SIPA1L2: variants seen among roughly 807,000 people sequenced by gnomAD.
The protein encoded by SIPA1L2 is signal induced proliferation associated 1 like 2, also known as signal-induced proliferation-associated 1-like protein 2.
A neutral mutation model predicts 163.9 loss-of-function variants in SIPA1L2; 56 were observed. The observed-to-expected ratio is 0.34, with a 90% CI of 0.28 to 0.43. The LOEUF (loss-of-function observed/expected upper bound fraction) is 0.43. SIPA1L2 is among the 20% of genes least tolerant of loss of function. The pLI is 1.00. For missense variants in SIPA1L2, 1,974 were observed against 2,193.5 expected (o/e 0.90, Z 2.00); for synonymous variants, 877 against 865.7 (o/e 1.01, Z -0.23).
chr1:232,584,462 C>A (rs1660548586), intron 1 of SIPA1L2, among the ~76,000 whole-genome samples: 1 of 152,206 alleles, frequency 6.6e-6, no homozygotes, highest in Non-Finnish European at 1.5e-5. Context: ...ACCGTGTGAT[C>A]TGCCCATCTT....
At chr1:232,523,094 T>G (rs1667532161) in intron 2 of SIPA1L2, among the ~76,000 whole-genome samples, 1 of 152,230 alleles carries the variant, frequency 6.6e-6, no homozygotes, top group Non-Finnish European at 1.5e-5. Flanking sequence ...TTGAGAGACT[T>G]TATACTGTAT....
chr1:232,547,566 G>T (rs933902072), intron 2 of SIPA1L2, among the ~76,000 whole-genome samples: 6 of 149,918 alleles, frequency 4.0e-5, no homozygotes, highest in Admixed American at 4.0e-4. Flanking sequence ...ACTGTGGCCC[G>T]GGGTGGGGGC....
intron 1 of SIPA1L2, among the ~76,000 whole-genome samples, chr1:232,621,942 C>A (rs921658735): frequency 1.1e-4 from 17 of 152,110 alleles, no homozygotes; most frequent in Non-Finnish European, 1.0e-4. Context: ...GCAGTCCAGG[C>A]TAGTCTCAAA....
chr1:232,528,888 T>C (rs1041097478), intron 2 of SIPA1L2, among the ~76,000 whole-genome samples: 1 of 152,204 alleles, frequency 6.6e-6, no homozygotes, highest in African/African-American at 2.4e-5. Flanking sequence ...ACATTTTTTC[T>C]TCCCTTGTAC....
intron 2 of SIPA1L2, among the ~76,000 whole-genome samples, chr1:232,563,487 C>T (rs1219593162): frequency 6.6e-6 from 1 of 152,134 alleles, no homozygotes; most frequent in African/African-American, 2.4e-5. Flanking sequence ...AACTTATACC[C>T]TCCCACTGAA....
chr1:232,577,896 G>A (rs1248980719), intron 1 of SIPA1L2, among the ~76,000 whole-genome samples: 1 of 152,184 alleles, frequency 6.6e-6, no homozygotes, highest in African/African-American at 2.4e-5. Context: ...AAACTTGGCA[G>A]GGTTTGAGAG....
At chr1:232,592,809 G>GA (rs541158763) in intron 1 of SIPA1L2, among the ~76,000 whole-genome samples, 89,831 of 145,730 alleles carry the variant, frequency 0.62, 27,902 homozygotes, top group East Asian at 0.91. Flanking sequence ...ATGTTCACAG[G>GA]AAAAAAAAAA....
chr1:232,560,934 G>A (rs1422967411), intron 2 of SIPA1L2, among the ~76,000 whole-genome samples: 3 of 152,308 alleles, frequency 2.0e-5, no homozygotes, highest in Non-Finnish European at 4.4e-5. Context: ...TCCTGAGCTA[G>A]AACTTTAGTA....
intron 2 of SIPA1L2, among the ~76,000 whole-genome samples, chr1:232,518,982 GTTTCATTTGA>G (rs1667334413): frequency 6.0e-5 from 1 of 16,594 alleles, no homozygotes; most frequent in African/African-American, 1.4e-4. Context: ...AACCACAAAA[GTTTCATTTGA>G]TATAACTTTG....
At chr1:232,604,689 G>A (rs1434905744) in intron 1 of SIPA1L2, among the ~76,000 whole-genome samples, 2 of 152,154 alleles carry the variant, frequency 1.3e-5, no homozygotes, top group Non-Finnish European at 2.9e-5. Context: ...TGGAGGTGAG[G>A]CCTGGTGGGA....
At chr1:232,507,879 A>C (rs772588522) in intron 3 of SIPA1L2, among the ~76,000 whole-genome samples, 1 of 152,242 alleles carries the variant, frequency 6.6e-6, no homozygotes, top group Non-Finnish European at 1.5e-5. Flanking sequence ...TTCCACAGTA[A>C]TAGCAGGAGT....
chr1:232,561,380 C>T (rs1218573817), intron 2 of SIPA1L2: 1 of 152,194 alleles, frequency 6.6e-6, no homozygotes, highest in African/African-American at 2.4e-5. Context: ...CATTCTCATG[C>T]CAGATTCTGA....
intron 10 of SIPA1L2, among the ~76,000 whole-genome samples, chr1:232,449,841 G>A (rs1378186359): frequency 2.0e-5 from 3 of 152,196 alleles, no homozygotes; most frequent in Non-Finnish European, 4.4e-5. Flanking sequence ...GCGTGGAATA[G>A]TTCCATTCTT....
intron 19 of SIPA1L2, among the ~76,000 whole-genome samples, chr1:232,411,957 GC>G: frequency 6.6e-6 from 1 of 152,160 alleles, no homozygotes. Flanking sequence ...CTGGAAACAC[GC>G]CTCCTTTTTG....
Position 232,402,392 on chromosome 1 carries a change from C to T in SIPA1L2, c.5022G>A (p.Lys1674=), listed in dbSNP as rs373567336. 1.2e-6 allele frequency: 2 copies of T among 1,612,788 alleles called. No homozygotes were observed. Among genetic ancestry groups the T allele is most frequent in the Non-Finnish European group, 1.7e-6 (2 of 1,179,110 alleles). ...ILRQLQTDLR[K]EKQDKAVLQA... ...TGATTATGCTCTTCCAATTGATTAC[C>T]TTCCGAAGGTCGGTCTGGAGTTGTC... The change falls in exon 22 of 23, where the codon AAG becomes AAA. Residue 1674 remains lysine, a splice_region_variant and synonymous_variant. Coordinates refer to ENST00000674635, the MANE Select transcript of SIPA1L2 (RefSeq NM_020808.5).
intron 2 of SIPA1L2, among the ~76,000 whole-genome samples, chr1:232,553,528 C>G (rs529217610): frequency 6.4e-4 from 97 of 152,292 alleles, no homozygotes; most frequent in African/African-American, 1.6e-3. Flanking sequence ...TGTTTCCTGT[C>G]TCTTGTCCAT....
At chr1:232,436,823 T>A (rs1432832150) in intron 15 of SIPA1L2, among the ~76,000 whole-genome samples, 1 of 152,182 alleles carries the variant, frequency 6.6e-6, no homozygotes, top group African/African-American at 2.4e-5. Flanking sequence ...GTTAAAAAGA[T>A]TTCATTCAAT....
intron 10 of SIPA1L2, among the ~76,000 whole-genome samples, chr1:232,453,834 T>C (rs993203601): frequency 2.0e-5 from 3 of 152,068 alleles, no homozygotes; most frequent in African/African-American, 7.2e-5. Context: ...AAAAGAATCT[T>C]TGGAAACAAA....
chr1:232,561,778 G>A (rs12402895), intron 2 of SIPA1L2, among the ~76,000 whole-genome samples: 11,938 of 152,208 alleles, frequency 0.078, 1,234 homozygotes, highest in East Asian at 0.54. Flanking sequence ...AGAAAATTCC[G>A]CTTTCCAGCC....
Sources: allele counts gnomAD v4.1 joint callset (sites outside exome capture counted in the v4.1 genomes callset), GRCh38; gene constraint gnomAD v4.1.1; transcripts MANE v1.5; gene names NCBI Gene and HGNC (gene_info 2026-07-23, HGNC 2026-07-21).